CACNA1C: variants seen among roughly 807,000 people sequenced by gnomAD.
The protein encoded by CACNA1C is voltage-dependent L-type calcium channel subunit alpha-1C.
CACNA1C carries 30 observed loss-of-function variants against 229.0 expected under a neutral mutation model. The ratio of observed to expected loss-of-function variants is 0.13; its 90% CI spans 0.10 to 0.18. The LOEUF is 0.18. CACNA1C is among the 10% of genes least tolerant of loss of function. The pLI is 1.00. For missense variants in CACNA1C, 1,658 were observed against 2,845.0 expected (o/e 0.58, Z 9.49); for synonymous variants, 1,114 against 1,132.5 (o/e 0.98, Z 0.33).
intron 3 of CACNA1C, among the ~76,000 whole-genome samples, chr12:2,430,586 G>A (rs116199817): frequency 0.066 from 10,063 of 152,094 alleles, 1,130 homozygotes; most frequent in African/African-American, 0.23. Context: ...GGGGGGGTCC[G>A]AGCATGTATG....
intron 3 of CACNA1C, among the ~76,000 whole-genome samples, chr12:2,445,986 G>A (rs2099273462): frequency 6.6e-6 from 1 of 152,148 alleles, no homozygotes; most frequent in South Asian, 2.1e-4. Context: ...AACTAGTTGT[G>A]CCACACTGAT....
intron 3 of CACNA1C, among the ~76,000 whole-genome samples, chr12:2,172,685 A>G (rs1430534504): frequency 3.3e-5 from 5 of 152,218 alleles, no homozygotes; most frequent in East Asian, 1.9e-4. Flanking sequence ...TTTCCTGGCA[A>G]TAAGCCAGAA....
At chr12:2,185,607 C>T (rs935718851) in intron 3 of CACNA1C, among the ~76,000 whole-genome samples, 2 of 152,186 alleles carry the variant, frequency 1.3e-5, no homozygotes, top group African/African-American at 4.8e-5. Flanking sequence ...GAAGGAAAAG[C>T]ATGTGAAGAC....
At position 2,651,738 on chromosome 12, in the gene CACNA1C, G is replaced by T; in HGVS notation, c.4044G>T (p.Thr1348=). The T allele has an allele frequency of 6.2e-7, 1 of 1,612,986 alleles. No individual in the cohort carries two copies. Among genetic ancestry groups the T allele is most frequent in the Non-Finnish European group, 8.5e-7 (1 of 1,179,272 alleles). The change falls in exon 32 of 47, where the codon ACG becomes ACT. Residue 1348 remains threonine, a synonymous_variant. Transcript: ENST00000399655. The surrounding 1 kb of genome is among the most constrained non-coding windows in gnomAD (Gnocchi z 5.4). The part of the protein sequence containing the change: ...KLLSRGEGIR[T]LLWTFIKSFQ... ...TGAGCCGTGGGGAGGGCATCCGGAC[G>T]CTGCTGTGGACCTTCATCAAGTCCT... is the stretch of plus-strand genomic sequence containing the variant.
chr12:2,221,101 G>A (rs1325095123), intron 3 of CACNA1C, among the ~76,000 whole-genome samples: 1 of 152,146 alleles, frequency 6.6e-6, no homozygotes, highest in Non-Finnish European at 1.5e-5. Flanking sequence ...TCCGGGGGAT[G>A]GCATAGCAAG....
At chr12:2,411,535 G>C (rs2098807032) in intron 3 of CACNA1C, among the ~76,000 whole-genome samples, 2 of 152,210 alleles carry the variant, frequency 1.3e-5, no homozygotes, top group Admixed American at 1.3e-4. Context: ...AGGAGGAACA[G>C]AGCCCTTGCC....
chr12:2,258,589 G>T (rs541910790), intron 3 of CACNA1C, among the ~76,000 whole-genome samples: 3 of 152,120 alleles, frequency 2.0e-5, no homozygotes, highest in Admixed American at 2.0e-4. Context: ...AGCCCATAAG[G>T]CTCCTCAGTG....
chr12:2,573,436 T>G (rs1027183402), intron 13 of CACNA1C, among the ~76,000 whole-genome samples: 8 of 152,268 alleles, frequency 5.3e-5, no homozygotes, highest in Non-Finnish European at 1.2e-4. Flanking sequence ...AGAACTACTA[T>G]GAATTCAGCA....
chr12:2,177,822 A>G lies in CACNA1C; in HGVS notation c.477+57392A>G, dbSNP rs374441269. 3.3e-5 allele frequency among the ~76,000 whole-genome samples: 5 copies of G among 152,064 alleles called. No homozygotes were observed. In the South Asian group the frequency reaches 1.0e-3, roughly 32 times the overall value. The stretch of plus-strand genomic sequence containing the variant: ...AGCCTAATTTTTGCATTTTTAGTAG[A>G]GATGGGATTTTGCCATGTTGGCCAG... On this transcript the variant is annotated intron_variant, in intron 3 of 46. Transcript: ENST00000399655.
intron 1 of CACNA1C, among the ~76,000 whole-genome samples, chr12:2,038,947 G>A (rs2049621607): frequency 6.6e-6 from 1 of 151,790 alleles, no homozygotes; most frequent in African/African-American, 2.4e-5. Context: ...ACAGATGCTG[G>A]GAAGTGGAAA....
At chr12:2,229,787 C>T (rs1169839900) in intron 3 of CACNA1C, among the ~76,000 whole-genome samples, 1 of 152,118 alleles carries the variant, frequency 6.6e-6, no homozygotes, top group South Asian at 2.1e-4. Flanking sequence ...GGCGAGGGAG[C>T]GGCATGAGCA....
rs546044285 is a variant in CACNA1C at position 2,348,335 on chromosome 12, T to A, written c.478-100641T>A. ...GCCCTGAGGATCTAGACCCTTTGGA[T>A]CCTATGTGCGGGGGACTTCCCAAGA... is the stretch of plus-strand genomic sequence containing the variant. On this transcript the variant is annotated intron_variant, in intron 3 of 46. Coordinates refer to ENST00000399655, the MANE Select transcript of CACNA1C (RefSeq NM_000719.7). The surrounding 1 kb of genome is among the most constrained non-coding windows in gnomAD (Gnocchi z 4.7). Among the ~76,000 whole-genome samples the A allele has an allele frequency of 3.3e-5, 5 of 152,294 alleles. No individual in the cohort carries two copies. The South Asian group carries it at 1.0e-3, about 32-fold the overall frequency.
intron 3 of CACNA1C, among the ~76,000 whole-genome samples, chr12:2,182,627 TTGTC>T (rs2096876219): frequency 6.6e-6 from 1 of 152,166 alleles, no homozygotes; most frequent in African/African-American, 2.4e-5. Flanking sequence ...CTCCTTTCCT[TTGTC>T]TAATTCCTCC....
intron 1 of CACNA1C, among the ~76,000 whole-genome samples, chr12:2,040,822 A>T (rs2049957210): frequency 1.3e-5 from 2 of 152,200 alleles, no homozygotes; most frequent in Admixed American, 6.5e-5. Context: ...TTTCATACTA[A>T]CATTTCACTT....
chr12:1,972,041 C>G (rs974865541), intron 1 of CACNA1C, among the ~76,000 whole-genome samples: 1 of 152,146 alleles, frequency 6.6e-6, no homozygotes, highest in Admixed American at 6.5e-5. Flanking sequence ...TGGTAATGTT[C>G]TTTCTAATAT....
At chr12:2,203,203 T>A (rs560410970) in intron 3 of CACNA1C, among the ~76,000 whole-genome samples, 3 of 152,262 alleles carry the variant, frequency 2.0e-5, no homozygotes, top group Non-Finnish European at 4.4e-5. Flanking sequence ...CAGCCAGGAC[T>A]GAGAAGGTGG....
At chr12:2,171,548 CTT>C (rs996725778) in intron 3 of CACNA1C, among the ~76,000 whole-genome samples, 2 of 152,234 alleles carry the variant, frequency 1.3e-5, no homozygotes, top group Non-Finnish European at 2.9e-5. Context: ...CACTTAAACT[CTT>C]TGAGCCTTCT....
At chr12:2,332,183 T>C (rs1249161966) in intron 3 of CACNA1C, among the ~76,000 whole-genome samples, 3 of 152,230 alleles carry the variant, frequency 2.0e-5, no homozygotes, top group Non-Finnish European at 4.4e-5. Context: ...TGTGTTTATG[T>C]ATGTGTATGT....
intron 3 of CACNA1C, among the ~76,000 whole-genome samples, chr12:2,142,655 G>A (rs2094355860): frequency 6.6e-6 from 1 of 151,306 alleles, no homozygotes; most frequent in Non-Finnish European, 1.5e-5. Flanking sequence ...GGCACAAGAT[G>A]TGGAAGACAG....
Sources: allele counts gnomAD v4.1 joint callset (sites outside exome capture counted in the v4.1 genomes callset), GRCh38; gene constraint gnomAD v4.1.1; non-coding constraint Gnocchi (gnomAD v3.1); transcripts MANE v1.5; gene names NCBI Gene and HGNC (gene_info 2026-07-23, HGNC 2026-07-21).